The following GULP1 variants were observed in gnomAD, a reference collection of about 807,000 sequenced individuals.
GULP1 encodes the protein PTB domain-containing engulfment adapter protein 1.
Under a neutral mutation model 40.9 loss-of-function variants are expected in GULP1, and 19 were observed. The observed-to-expected ratio is 0.46, with a 90% CI of 0.32 to 0.68. The LOEUF (loss-of-function observed/expected upper bound fraction) is 0.68, where lower values mean the gene tolerates loss of function less well. GULP1 is among the 30% of genes least tolerant of loss of function. The probability of loss-of-function intolerance (pLI) is 0.03; values close to 1 mark genes in which losing one functional copy is unlikely to be tolerated. For synonymous variants in GULP1, 119 were observed against 117.6 expected (o/e 1.01, Z -0.08); for missense variants, 312 against 362.2 (o/e 0.86, Z 1.12).
At chr2:188,368,933 A>ATATGTGTG (rs1274644956) in intron 1 of GULP1, among the ~76,000 whole-genome samples, 12 of 43,352 alleles carry the variant, frequency 2.8e-4, no homozygotes, top group African/African-American at 1.4e-3. Flanking sequence ...GTATATATAT[A>ATATGTGTG]TGTGTGTATA....
chr2:188,313,028 CAGAT>C (rs1264481865), intron 1 of GULP1, among the ~76,000 whole-genome samples: 1 of 152,030 alleles, frequency 6.6e-6, no homozygotes, highest in African/African-American at 2.4e-5. Context: ...AGACCTTTGT[CAGAT>C]AGGTGGATGG....
chr2:188,411,086 A>C (rs2053812967), intron 2 of GULP1, among the ~76,000 whole-genome samples: 1 of 152,098 alleles, frequency 6.6e-6, no homozygotes, highest in South Asian at 2.1e-4. Context: ...TTTGTCATTT[A>C]ATCTATAGTG....
At chr2:188,588,199 C>CA (rs1181692581) in intron 11 of GULP1, 13 of 461,638 alleles carry the variant, frequency 2.8e-5, no homozygotes, top group African/African-American at 4.0e-5. Context: ...TTTTTAAATA[C>CA]AAAATGGCAT....
chr2:188,486,631 A>G (rs115428185), intron 4 of GULP1, among the ~76,000 whole-genome samples: 3,239 of 152,046 alleles, frequency 0.021, 106 homozygotes, highest in African/African-American at 0.074. Context: ...TTTATGGAAC[A>G]TTGATTTCAA....
At chr2:188,574,469 CA>C (rs1232713757) in intron 9 of GULP1, among the ~76,000 whole-genome samples, 4 of 151,944 alleles carry the variant, frequency 2.6e-5, no homozygotes, top group Non-Finnish European at 5.9e-5. Flanking sequence ...ACCAAAAATA[CA>C]AAAATTAGCT....
chr2:188,485,528 T>G (rs1169763447), intron 4 of GULP1, among the ~76,000 whole-genome samples: 1 of 152,022 alleles, frequency 6.6e-6, no homozygotes, highest in African/African-American at 2.4e-5. Flanking sequence ...AGTTACTTTT[T>G]AAGATATCCT....
intron 1 of GULP1, among the ~76,000 whole-genome samples, chr2:188,324,760 G>C (rs1201305550): frequency 6.6e-6 from 1 of 151,840 alleles, no homozygotes; most frequent in African/African-American, 2.4e-5. Flanking sequence ...TGAGTTTTCA[G>C]ATTGACATTA....
At chr2:188,311,804 A>G (rs1431904345) in intron 1 of GULP1, among the ~76,000 whole-genome samples, 1 of 148,056 alleles carries the variant, frequency 6.8e-6, no homozygotes. Flanking sequence ...ATTTGTATGC[A>G]TATACTTATA....
At chr2:188,411,174 C>A (rs1435705946) in intron 2 of GULP1, among the ~76,000 whole-genome samples, 1 of 152,076 alleles carries the variant, frequency 6.6e-6, no homozygotes, top group Non-Finnish European at 1.5e-5. Context: ...CTGTGAGTGC[C>A]CGGGACCCTC....
chr2:188,376,856 T>G (rs2048353061), intron 1 of GULP1, among the ~76,000 whole-genome samples: 1 of 152,118 alleles, frequency 6.6e-6, no homozygotes, highest in Admixed American at 6.6e-5. Context: ...TGACAGGAAT[T>G]TCACTTTTAT....
intron 2 of GULP1, among the ~76,000 whole-genome samples, chr2:188,410,708 T>C (rs960608571): frequency 1.1e-4 from 17 of 152,188 alleles, no homozygotes; most frequent in Admixed American, 1.1e-3. Flanking sequence ...ACTTCCAGTT[T>C]AATGGAATCA....
intron 1 of GULP1, among the ~76,000 whole-genome samples, chr2:188,368,949 A>ATATATATATATATGTGTG: frequency 1.1e-5 from 1 of 88,432 alleles, no homozygotes; most frequent in Non-Finnish European, 2.0e-5. Context: ...GTATATATAT[A>ATATATATATATATGTGTG]TATATATATA....
At position 188,383,873 on chromosome 2, in the gene GULP1, T is replaced by G. The variant is rs2049319027; in HGVS notation, c.-61T>G. 6.6e-6 allele frequency: 1 copy of G among 152,216 alleles called. No homozygotes were observed. The highest frequency in any genetic ancestry group is 2.4e-5 in the African/African-American group (1 of 41,478). 9.4% of individuals were successfully genotyped at this position (152,216 alleles called of 1,614,324 possible). Reference sequence around the variant, plus strand: ...TCAAGTGTCCATTTTCTTTCAACTATATTTGAGCATACCCAGGTAAGAATA... The same window carrying G: ...TCAAGTGTCCATTTTCTTTCAACTAGATTTGAGCATACCCAGGTAAGAATA... On this transcript the variant is annotated 5_prime_UTR_variant, in exon 2 of 12. Coordinates refer to ENST00000409830, the MANE Select transcript of GULP1 (RefSeq NM_016315.4).
chr2:188,518,118 C>G (rs2065371709), intron 4 of GULP1, among the ~76,000 whole-genome samples: 1 of 152,046 alleles, frequency 6.6e-6, no homozygotes, highest in Non-Finnish European at 1.5e-5. Flanking sequence ...ATATACTAGA[C>G]TGTATGTCCC....
chr2:188,353,696 C>T (rs756066681), intron 1 of GULP1, among the ~76,000 whole-genome samples: 1 of 151,648 alleles, frequency 6.6e-6, no homozygotes, highest in Non-Finnish European at 1.5e-5. Flanking sequence ...GGTATGCTTC[C>T]CTCCTCCCCA....
At chr2:188,477,837 A>G in intron 3 of GULP1, 107 bp downstream of exon 3, 1 of 806,202 alleles carries the variant, frequency 1.2e-6, no homozygotes, top group Non-Finnish European at 2.0e-6. Context: ...CACCTGGCCC[A>G]GAAATGAAGT....
intron 2 of GULP1, among the ~76,000 whole-genome samples, chr2:188,420,022 C>G (rs1228170004): frequency 6.6e-6 from 1 of 152,094 alleles, no homozygotes; most frequent in Non-Finnish European, 1.5e-5. Context: ...GGGCTTATTT[C>G]TGGGTTCTGT....
At chr2:188,429,428 A>G (rs1043470437) in intron 2 of GULP1, among the ~76,000 whole-genome samples, 1 of 152,084 alleles carries the variant, frequency 6.6e-6, no homozygotes, top group African/African-American at 2.4e-5. Context: ...TGAACCCAGG[A>G]GGCAGAGGTT....
chr2:188,360,221 C>T lies in GULP1; in HGVS notation c.-171-23542C>T, dbSNP rs570399259. On this transcript the variant is annotated intron_variant, in intron 1 of 11. Transcript: ENST00000409830. The stretch of plus-strand genomic sequence containing the variant: ...TAAACAGTGCCACTCATGACTAAAA[C>T]GAATGCATTCTGGACAAAATAGGCT... Among the ~76,000 whole-genome samples the T allele has an allele frequency of 7.2e-5, 11 of 152,150 alleles. No individual in the cohort carries two copies. The East Asian group carries it at 1.2e-3, about 16-fold the overall frequency.
Sources: allele counts gnomAD v4.1 joint callset (sites outside exome capture counted in the v4.1 genomes callset), GRCh38; gene constraint gnomAD v4.1.1; transcripts MANE v1.5; gene names NCBI Gene and HGNC (gene_info 2026-07-23, HGNC 2026-07-21).